Variants in LRRC7 observed in about 807,000 individuals in gnomAD.
LRRC7 encodes leucine rich repeat containing 7, also known as leucine-rich repeat-containing protein 7.
LRRC7 carries 23 observed loss-of-function variants against 175.7 expected under a neutral mutation model. The observed-to-expected ratio is 0.13, with a 90% CI of 0.09 to 0.19. The LOEUF (loss-of-function observed/expected upper bound fraction) is 0.19, where lower values mean the gene tolerates loss of function less well. Ranked by LOEUF, LRRC7 falls within the 10% of genes least tolerant of loss-of-function variation. The pLI, the probability that LRRC7 is intolerant of heterozygous loss-of-function variation, is 1.00. For synonymous variants in LRRC7, 685 were observed against 680.9 expected (o/e 1.01, Z -0.09); for missense variants, 1,354 against 1,904.7 (o/e 0.71, Z 5.38).
intron 8 of LRRC7, among the ~76,000 whole-genome samples, chr1:69,963,429 A>T (rs17131096): frequency 0.17 from 25,528 of 152,078 alleles, 3,527 homozygotes; most frequent in African/African-American, 0.39. Flanking sequence ...GGCTGGAGGG[A>T]ACAGTGAAAG....
chr1:69,959,757 C>T (rs1043241737), intron 8 of LRRC7, among the ~76,000 whole-genome samples: 4 of 151,962 alleles, frequency 2.6e-5, no homozygotes, highest in Non-Finnish European at 5.9e-5. Flanking sequence ...GGATACCTAA[C>T]CCAATCAGGG....
chr1:70,059,145 A>C (rs1189816734), intron 23 of LRRC7, among the ~76,000 whole-genome samples: 1 of 152,204 alleles, frequency 6.6e-6, no homozygotes, highest in East Asian at 1.9e-4. Flanking sequence ...AAGACTAGGC[A>C]TTCAAAGGTC....
At chr1:70,007,952 A>G (rs1346025277) in intron 11 of LRRC7, among the ~76,000 whole-genome samples, 1 of 152,190 alleles carries the variant, frequency 6.6e-6, no homozygotes, top group Non-Finnish European at 1.5e-5. Context: ...TTTACGTTAG[A>G]TTCAAATTTA....
intron 2 of LRRC7, among the ~76,000 whole-genome samples, chr1:69,733,431 T>C (rs1667788528): frequency 1.3e-5 from 2 of 152,036 alleles, no homozygotes; most frequent in African/African-American, 4.8e-5. Flanking sequence ...ATTTTAGTCC[T>C]CCAGGAAAGG....
intron 7 of LRRC7, among the ~76,000 whole-genome samples, chr1:69,917,299 G>C (rs1393286960): frequency 1.3e-5 from 2 of 152,094 alleles, no homozygotes; most frequent in Non-Finnish European, 2.9e-5. Context: ...ATATCTTCAG[G>C]TTCAGCTATT....
intron 11 of LRRC7, among the ~76,000 whole-genome samples, chr1:70,005,424 A>G (rs2101937853): frequency 6.6e-6 from 1 of 152,334 alleles, no homozygotes; most frequent in South Asian, 2.1e-4. Flanking sequence ...TATGTAGTAT[A>G]TTCACAATCT....
chr1:69,783,753 CAAAAAAAAAAAA>C (rs10712087), intron 3 of LRRC7, among the ~76,000 whole-genome samples: 23,170 of 85,822 alleles, frequency 0.27, 2,171 homozygotes, highest in Middle Eastern at 0.46. Flanking sequence ...CTCCCCATCT[CAAAAAAAAAAAA>C]AAAAAAAAAA....
At chr1:69,925,724 A>G (rs1002804924) in intron 7 of LRRC7, among the ~76,000 whole-genome samples, 6 of 151,836 alleles carry the variant, frequency 4.0e-5, no homozygotes, top group East Asian at 3.9e-4. Context: ...CGGTCTATCA[A>G]TTTTGTTGAT....
chr1:69,919,432 AACCACATCACTAAC>A (rs2101730154), intron 7 of LRRC7: 1 of 936,360 alleles, frequency 1.1e-6, no homozygotes, highest in South Asian at 1.5e-5. Flanking sequence ...GTACTACTTC[AACCACATCACTAAC>A]CCCAGCCAGT....
At chr1:69,875,807 T>G (rs1343070142) in intron 7 of LRRC7, among the ~76,000 whole-genome samples, 4 of 152,096 alleles carry the variant, frequency 2.6e-5, no homozygotes, top group Non-Finnish European at 5.9e-5. Flanking sequence ...ATAAATATAT[T>G]CTATTGATTT....
intron 2 of LRRC7, chr1:69,716,250 T>G: frequency 2.2e-6 from 1 of 453,488 alleles, no homozygotes; most frequent in Non-Finnish European, 4.0e-6. Flanking sequence ...TATGCTTAAG[T>G]ATATAGAATT....
In LRRC7 at chr1:69,717,810, GAA is replaced by G. The variant is rs1354251852; in HGVS notation, c.100+39334_100+39335del. Among the ~76,000 whole-genome samples, 105 of 24,274 alleles carry G rather than the reference GAA, an allele frequency of 4.3e-3. 5 individuals are homozygous for G. The highest frequency in any genetic ancestry group is 7.8e-3 in the South Asian group (4 of 516). 15.9% of individuals were successfully genotyped at this position (24,274 alleles called of 152,430 possible). On this transcript the variant is annotated intron_variant, in intron 2 of 26. Coordinates refer to ENST00000651989, the MANE Select transcript of LRRC7 (RefSeq NM_001370785.2). The stretch of plus-strand genomic sequence containing the variant: ...AGAAAGAAAGAAAGAAAGAAAGAAA[GAA>G]AGAAAGAAAGAAAGAAAGAAAGAAA...
rs1557641675 is a variant in LRRC7, at chr1:69,717,870, GAAAGAA to G, written c.100+39394_100+39399del. Among the ~76,000 whole-genome samples, 16 of 106,574 alleles carry G rather than the reference GAAAGAA, an allele frequency of 1.5e-4. 3 individuals carry two copies. Among genetic ancestry groups the G allele is most frequent in the African/African-American group, 6.1e-4 (16 of 26,172 alleles). 69.9% of individuals were successfully genotyped at this position (106,574 alleles called of 152,430 possible). A position where few individuals can be genotyped will look rare whatever the true frequency, so the allele number is the denominator to read the frequency against. ...GAAAGAAAGGAAAGAAAGAAAGAAA[GAAAGAA>G]AGAGAGAAAAAGAGGAGGGAGGGAA... is the stretch of plus-strand genomic sequence containing the variant. On this transcript the variant is annotated intron_variant, in intron 2 of 26. Transcript: ENST00000651989.
intron 7 of LRRC7, among the ~76,000 whole-genome samples, chr1:69,870,606 A>G (rs1240206530): frequency 6.6e-6 from 1 of 152,112 alleles, no homozygotes; most frequent in Non-Finnish European, 1.5e-5. Context: ...TTTCCTTTAA[A>G]GTTTTAATAA....
At chr1:69,636,352 C>T (rs1457085023) in intron 1 of LRRC7, among the ~76,000 whole-genome samples, 1 of 151,800 alleles carries the variant, frequency 6.6e-6, no homozygotes, top group African/African-American at 2.4e-5. Context: ...AGAATATATT[C>T]TCCTCACCAA....
At chr1:70,030,111 C>T (rs148709794) in intron 18 of LRRC7, among the ~76,000 whole-genome samples, 27 of 152,256 alleles carry the variant, frequency 1.8e-4, no homozygotes, top group African/African-American at 6.5e-4. Context: ...AAGCCCTCAA[C>T]TCTGTCCTGC....
intron 2 of LRRC7, among the ~76,000 whole-genome samples, chr1:69,722,962 A>C (rs959719071): frequency 6.6e-6 from 1 of 152,030 alleles, no homozygotes; most frequent in African/African-American, 2.4e-5. Context: ...CCAGCTTAAA[A>C]TTTGATTTTT....
chr1:70,040,394 A>G (rs553613684), intron 21 of LRRC7, among the ~76,000 whole-genome samples: 146 of 152,360 alleles, frequency 9.6e-4, no homozygotes, highest in Non-Finnish European at 1.6e-3. Flanking sequence ...TGGTTTTTAT[A>G]TAGAAAGAAA....
At chr1:70,105,062 G>A (rs952263626) in intron 25 of LRRC7, among the ~76,000 whole-genome samples, 2 of 152,164 alleles carry the variant, frequency 1.3e-5, no homozygotes, top group Admixed American at 6.6e-5. Flanking sequence ...AGTAGCAAAG[G>A]AGGGGCTACC....
Sources: gnomAD v4.1 joint callset for allele counts (sites outside exome capture counted in the v4.1 genomes callset) on GRCh38, gnomAD v4.1.1 for gene constraint, MANE v1.5 for transcripts, NCBI Gene and HGNC (gene_info 2026-07-23, HGNC 2026-07-21) for gene names.